Variants in TMPRSS4 observed in about 807,000 individuals in gnomAD.
TMPRSS4 encodes the protein transmembrane protease serine 4.
In TMPRSS4, 45 loss-of-function variants were observed where a neutral mutation model predicts 56.4. The ratio of observed to expected loss-of-function variants is 0.80; its 90% confidence interval spans 0.63 to 1.02. TMPRSS4 has a LOEUF of 1.02. Among genes scored for constraint, TMPRSS4 ranks in the 50% least tolerant of loss-of-function variants. TMPRSS4 has a pLI of 0.00. For synonymous variants in TMPRSS4, 205 were observed against 211.0 expected, an observed-to-expected ratio of 0.97 and a Z score of 0.25; for missense variants, 546 against 556.7, an observed-to-expected ratio of 0.98 and a Z score of 0.19.
intron 1 of TMPRSS4, among the ~76,000 whole-genome samples, chr11:118,080,638 A>C (rs1162974405): frequency 6.6e-6 from 1 of 152,290 alleles, no homozygotes; most frequent in Admixed American, 6.5e-5. Context: ...GCCAAAGCCC[A>C]AGAGATCTGA....
chr11:118,084,763 C>A (rs1487432039), intron 1 of TMPRSS4, among the ~76,000 whole-genome samples: 1 of 152,214 alleles, frequency 6.6e-6, no homozygotes, highest in African/African-American at 2.4e-5. Flanking sequence ...TAATTCTCAC[C>A]AACAACCCTG....
At chr11:118,079,756 G>A (rs1223655693) in intron 1 of TMPRSS4, among the ~76,000 whole-genome samples, 3 of 152,356 alleles carry the variant, frequency 2.0e-5, no homozygotes, top group African/African-American at 2.4e-5. Context: ...GCTCAGAAAC[G>A]TGGCAGTCAG....
chr11:118,105,903 A>C (rs1254005711), intron 5 of TMPRSS4: 1 of 152,228 alleles, frequency 6.6e-6, no homozygotes. Flanking sequence ...ATTACAAATC[A>C]ATCAGAATTA....
intron 1 of TMPRSS4, among the ~76,000 whole-genome samples, chr11:118,092,131 G>A (rs763278396): frequency 2.0e-5 from 3 of 152,208 alleles, no homozygotes; most frequent in Non-Finnish European, 4.4e-5. Context: ...CCCTATGAGA[G>A]AAGCCCTGTG....
At position 118,114,923 on chromosome 11, in the gene TMPRSS4, T is replaced by C. The variant is rs1947460254; in HGVS notation, c.1005T>C (p.Asn335=). 6.3e-7 allele frequency: 1 copy of C among 1,599,538 alleles called. No homozygotes were observed. Among genetic ancestry groups the C allele is most frequent in the East Asian group, 2.2e-5 (1 of 44,654 alleles). The part of the protein sequence containing the change: ...WIIGWGFTKQ[N]GGKMSDILLQ... ...TTGGATGGGGCTTTACGAAGCAGAA[T>C]GGAGGTAAGTCCTGGGTGCAGGACC... is the stretch of plus-strand genomic sequence containing the variant. The change falls in exon 10 of 13, where the codon AAT becomes AAC. Residue 335 remains asparagine (N), a synonymous_variant. Coordinates refer to ENST00000437212, the MANE Select transcript of TMPRSS4 (RefSeq NM_019894.4).
intron 2 of TMPRSS4, among the ~76,000 whole-genome samples, chr11:118,097,815 G>A (rs1946490710): frequency 6.6e-6 from 1 of 152,130 alleles, no homozygotes; most frequent in Non-Finnish European, 1.5e-5. Context: ...TTGTCGCCCA[G>A]GCTGTAGTAC....
intron 8 of TMPRSS4, among the ~76,000 whole-genome samples, chr11:118,112,240 G>A (rs1186199571): frequency 6.6e-6 from 1 of 152,024 alleles, no homozygotes; most frequent in Non-Finnish European, 1.5e-5. Context: ...TTTCCAGGAA[G>A]TTGTTCCAGG....
Position 118,107,856 on chromosome 11 carries a change from C to T in TMPRSS4, c.523C>T (p.Arg175Cys), listed in dbSNP as rs1480546611. The T allele has an allele frequency of 1.9e-6, 3 of 1,613,962 alleles. No homozygotes were observed. The highest frequency in any genetic ancestry group is 1.3e-5 in the African/African-American group (1 of 74,910). Residue 175 changes from arginine to cysteine, a missense_variant, in exon 6 of 13, where the codon CGC becomes TGC. Transcript: ENST00000437212. ...VEITENSQELRMRNSSGPCLS... is the reference protein window; with the variant it reads ...VEITENSQELCMRNSSGPCLS... ...AATCACAGAAAACAGCCAGGAGCTT[C>T]GCATGCGGAACTCAAGTGGGTAAGT... is the stretch of plus-strand genomic sequence containing the variant.
At chr11:118,091,403 C>A (rs1945951647) in intron 1 of TMPRSS4, among the ~76,000 whole-genome samples, 1 of 152,154 alleles carries the variant, frequency 6.6e-6, no homozygotes, top group African/African-American at 2.4e-5. Context: ...AGCTCCCATT[C>A]TCAGTCTGCA....
At chr11:118,092,119 C>A (rs1298143043) in intron 1 of TMPRSS4, among the ~76,000 whole-genome samples, 2 of 152,134 alleles carry the variant, frequency 1.3e-5, no homozygotes, top group Non-Finnish European at 2.9e-5. Context: ...AAACGCTGAC[C>A]ACCCTATGAG....
intron 1 of TMPRSS4, among the ~76,000 whole-genome samples, chr11:118,087,961 C>T (rs1945686808): frequency 6.6e-6 from 1 of 152,200 alleles, no homozygotes; most frequent in Non-Finnish European, 1.5e-5. Flanking sequence ...GATGATATGG[C>T]AGAGCCCAGA....
At chr11:118,124,668 T>C (rs1420790925), downstream of TMPRSS4, among the ~76,000 whole-genome samples, 3 of 152,216 alleles carry the variant, frequency 2.0e-5, no homozygotes, top group African/African-American at 4.8e-5. Flanking sequence ...CTCTCAATTA[T>C]TGATATGTCG....
chr11:118,096,130 T>C (rs2135349313), intron 2 of TMPRSS4, among the ~76,000 whole-genome samples: 1 of 152,290 alleles, frequency 6.6e-6, no homozygotes. Context: ...GAACAAAATG[T>C]CATCATGGCC....
At chr11:118,104,441 C>T (rs1387808922) in intron 4 of TMPRSS4, among the ~76,000 whole-genome samples, 1 of 152,100 alleles carries the variant, frequency 6.6e-6, no homozygotes, top group Non-Finnish European at 1.5e-5. Flanking sequence ...CACTATTAAC[C>T]ATTGGGTCAG....
intron 1 of TMPRSS4, among the ~76,000 whole-genome samples, chr11:118,085,161 C>A (rs1177264877): frequency 1.3e-5 from 2 of 151,992 alleles, no homozygotes; most frequent in African/African-American, 4.8e-5. Context: ...GAAACTGGGT[C>A]CAGGAGCTGT....
At position 118,114,682 on chromosome 11, in the gene TMPRSS4, G is replaced by T. The variant is rs569375136; in HGVS notation, c.911-147G>T. 5 of 858,986 alleles carry T rather than the reference G, an allele frequency of 5.8e-6. No homozygotes were observed. In the South Asian group the frequency reaches 8.5e-5, roughly 15 times the overall value. 53.2% of individuals were successfully genotyped at this position (858,986 alleles called of 1,614,324 possible). A position where few individuals can be genotyped will look rare whatever the true frequency, so the allele number is the denominator to read the frequency against. ...TTTGCCTATTAAAGGCGTGCCCAAA[G>T]CCAAGTTGTTTACTATCTGCAGGAA... is the stretch of plus-strand genomic sequence containing the variant. On this transcript the variant is annotated intron_variant, in intron 9 of 12. Transcript: ENST00000437212.
intron 5 of TMPRSS4, 127 bp downstream of exon 5, chr11:118,104,947 A>G: frequency 9.9e-7 from 1 of 1,009,530 alleles, no homozygotes; most frequent in Non-Finnish European, 1.4e-6. Context: ...TGGCTTTTGA[A>G]TCCCAGCATT....
At chr11:118,093,903 T>C (rs991299905) in intron 1 of TMPRSS4, among the ~76,000 whole-genome samples, 3 of 152,044 alleles carry the variant, frequency 2.0e-5, no homozygotes, top group Non-Finnish European at 2.9e-5. Context: ...GAAATCGTAC[T>C]TTTTGTGACT....
Position 118,111,905 on chromosome 11 carries a change from G to A in TMPRSS4, c.743+5G>A. 6.2e-7 allele frequency: 1 copy of A among 1,604,990 alleles called. No homozygotes were observed. The highest frequency in any genetic ancestry group is 1.3e-5 in the African/African-American group (1 of 74,482). ...CACGGCAGCCCACTGCTTCAGGTAA[G>A]ACCCCAGCTGTAAGGAGGTCTCTGG... On this transcript the variant is annotated splice_donor_5th_base_variant and intron_variant, in intron 8 of 12. Coordinates refer to ENST00000437212, the MANE Select transcript of TMPRSS4 (RefSeq NM_019894.4).
Sources: gnomAD v4.1 joint callset for allele counts (sites outside exome capture counted in the v4.1 genomes callset) on GRCh38, gnomAD v4.1.1 for gene constraint, MANE v1.5 for transcripts, NCBI Gene and HGNC (gene_info 2026-07-23, HGNC 2026-07-21) for gene names.